TGFBR1: variants seen among roughly 807,000 people sequenced by gnomAD.
TGFBR1 encodes transforming growth factor beta receptor 1, also known as TGF-beta receptor type-1.
A neutral mutation model predicts 55.1 loss-of-function variants in TGFBR1; 20 were observed. The ratio of observed to expected loss-of-function variants is 0.36; its 90% CI spans 0.26 to 0.53. TGFBR1 has a LOEUF of 0.53. Ranked by LOEUF, TGFBR1 falls within the 20% of genes least tolerant of loss-of-function variation. The pLI, the probability that TGFBR1 is intolerant of heterozygous loss-of-function variation, is 0.91. For missense variants in TGFBR1, 385 were observed against 617.6 expected (o/e 0.62, Z 3.99); for synonymous variants, 220 against 214.8 (o/e 1.02, Z -0.21).
intron 2 of TGFBR1, among the ~76,000 whole-genome samples, chr9:99,129,339 A>G (rs1490088430): frequency 6.6e-6 from 1 of 152,192 alleles, no homozygotes; most frequent in African/African-American, 2.4e-5. Flanking sequence ...TATACCTAAA[A>G]GGATAGATAA....
intron 3 of TGFBR1, among the ~76,000 whole-genome samples, chr9:99,137,472 C>G (rs10988721): frequency 0.022 from 3,296 of 152,214 alleles, 108 homozygotes; most frequent in African/African-American, 0.075. Context: ...CTTACTTTCT[C>G]TTTTCACTGC....
At chr9:99,139,971 A>T (rs1471546477) in intron 4 of TGFBR1, among the ~76,000 whole-genome samples, 1 of 152,204 alleles carries the variant, frequency 6.6e-6, no homozygotes, top group Non-Finnish European at 1.5e-5. Context: ...TGGTAGTTAG[A>T]TTTAGAAGCT....
chr9:99,142,080 A>C (rs919245187), intron 4 of TGFBR1, among the ~76,000 whole-genome samples: 12 of 152,066 alleles, frequency 7.9e-5, no homozygotes, highest in African/African-American at 2.9e-4. Context: ...GTTTTGTCCC[A>C]TACTCTTCCA....
At chr9:99,116,678 C>T (rs1472858413) in intron 1 of TGFBR1, among the ~76,000 whole-genome samples, 1 of 152,174 alleles carries the variant, frequency 6.6e-6, no homozygotes, top group African/African-American at 2.4e-5. Context: ...AACCAACCCC[C>T]CACTTTCTTC....
chr9:99,104,862 G>T (rs911864884), upstream of TGFBR1, among the ~76,000 whole-genome samples: 2 of 152,110 alleles, frequency 1.3e-5, no homozygotes, highest in Admixed American at 6.5e-5. Flanking sequence ...CCCCCACGCG[G>T]CCTCTCGGAG....
chr9:99,116,175 TAA>T lies in TGFBR1; in HGVS notation c.97+10887_97+10888del, dbSNP rs33959088. On this transcript the variant is annotated intron_variant, in intron 1 of 8. Transcript: ENST00000374994. ...CATAATTGTTTCTTCACTTTATTCTTAAAAAAAAAAAAAAAGGCCACATAAGT... is the reference window on the plus strand; with the variant it reads ...CATAATTGTTTCTTCACTTTATTCTTAAAAAAAAAAAAAGGCCACATAAGT... 1.4e-3 allele frequency among the ~76,000 whole-genome samples: 197 copies of T among 141,376 alleles called. 1 individual carries two copies. The highest frequency in any genetic ancestry group is 3.6e-3 in the Middle Eastern group (1 of 274). The allele number at this position is 141,376 out of a possible 152,430, so 92.7% of individuals were successfully genotyped here.
At chr9:99,145,361 G>A (rs982555338) in intron 6 of TGFBR1, among the ~76,000 whole-genome samples, 7 of 152,182 alleles carry the variant, frequency 4.6e-5, no homozygotes, top group Admixed American at 3.3e-4. Context: ...CACCTTTCCC[G>A]TAGGAAGTTT....
Position 99,142,608 on chromosome 9 carries a change from A to G in TGFBR1, c.878A>G (p.Asn293Ser), listed in dbSNP as rs199759998. ...CATGGATCCCTTTTTGATTACTTAA[A>G]CAGATACACAGTTACTGTGGAAGGA... ...HEHGSLFDYL[N>S]RYTVTVEGMI... is the part of the protein sequence containing the mutation. Residue 293 changes from asparagine (N) to serine (S), a missense_variant, in exon 5 of 9, where the codon AAC becomes AGC. Physicochemically the swap from Asn to Ser is conservative, Grantham distance 46. Transcript: ENST00000374994. 2 of 1,614,128 alleles carry G rather than the reference A, an allele frequency of 1.2e-6. No individual in the cohort carries two copies. Among genetic ancestry groups the G allele is most frequent in the Non-Finnish European group, 1.7e-6 (2 of 1,179,960 alleles).
At chr9:99,133,756 G>T (rs1320574085) in intron 3 of TGFBR1, among the ~76,000 whole-genome samples, 1 of 152,080 alleles carries the variant, frequency 6.6e-6, no homozygotes, top group Non-Finnish European at 1.5e-5. Flanking sequence ...CTTCAAATAA[G>T]GGCTAAATTC....
At chr9:99,141,298 A>G (rs1212586881) in intron 4 of TGFBR1, among the ~76,000 whole-genome samples, 1 of 152,224 alleles carries the variant, frequency 6.6e-6, no homozygotes, top group Non-Finnish European at 1.5e-5. Context: ...AATTAATACT[A>G]AGTCCTTTTA....
chr9:99,146,838 G>A (rs937104537), intron 7 of TGFBR1, among the ~76,000 whole-genome samples: 1 of 152,128 alleles, frequency 6.6e-6, no homozygotes, highest in African/African-American at 2.4e-5. Context: ...ATTTGAATCT[G>A]GAGACTCATC....
chr9:99,145,968 ACT>A (rs1004500455), intron 6 of TGFBR1: 7 of 188,462 alleles, frequency 3.7e-5, no homozygotes, highest in Admixed American at 2.2e-4. Flanking sequence ...GCCGTAGATG[ACT>A]CTCAATTCTC....
chr9:99,122,759 A>G (rs911537033), intron 1 of TGFBR1, among the ~76,000 whole-genome samples: 5 of 152,110 alleles, frequency 3.3e-5, no homozygotes, highest in African/African-American at 4.8e-5. Context: ...TTTTCCTTTT[A>G]GTGCTGAATC....
intron 4 of TGFBR1, among the ~76,000 whole-genome samples, chr9:99,139,828 C>G (rs1370009798): frequency 6.6e-6 from 1 of 152,156 alleles, no homozygotes; most frequent in African/African-American, 2.4e-5. Flanking sequence ...CCCCCTTCAT[C>G]TTTTTTCTCC....
intron 1 of TGFBR1, among the ~76,000 whole-genome samples, chr9:99,117,123 T>C (rs1180398118): frequency 6.6e-6 from 1 of 152,176 alleles, no homozygotes; most frequent in African/African-American, 2.4e-5. Context: ...GTCTCACTGT[T>C]GTCACCCAGG....
At position 99,105,205 on chromosome 9, in the gene TGFBR1, C is replaced by T. The variant is rs1826369411; in HGVS notation, c.-1C>T. On this transcript the variant is annotated 5_prime_UTR_variant, in exon 1 of 9. Coordinates refer to ENST00000374994, the MANE Select transcript of TGFBR1 (RefSeq NM_004612.4). Reference sequence around the variant, plus strand: ...GGGCCACAGGCGGTGGCGGCGGGACCATGGAGGCGGCGGTCGCTGCTCCGC... The same window carrying T: ...GGGCCACAGGCGGTGGCGGCGGGACTATGGAGGCGGCGGTCGCTGCTCCGC... 8 of 1,083,892 alleles carry T rather than the reference C, an allele frequency of 7.4e-6. No homozygotes were observed. Among genetic ancestry groups the T allele is most frequent in the African/African-American group, 1.7e-5 (1 of 59,214 alleles). The allele number at this position is 1,083,892 out of a possible 1,614,324, so 67.1% of individuals were successfully genotyped here.
intron 6 of TGFBR1, 91 bp downstream of exon 6, chr9:99,144,979 T>C (rs1484540027): frequency 6.9e-7 from 1 of 1,439,344 alleles, no homozygotes; most frequent in Non-Finnish European, 9.6e-7. Context: ...GAAACTCAGC[T>C]TAAACTTGCA....
At position 99,125,595 on chromosome 9, in the gene TGFBR1, A is replaced by T. The variant is rs183612306; in HGVS notation, c.98-3260A>T. Among the ~76,000 whole-genome samples, 23 of 152,014 alleles carry T rather than the reference A, an allele frequency of 1.5e-4. No individual in the cohort carries two copies. The East Asian group carries it at 4.4e-3, about 29-fold the overall frequency. ...CATATGGTCGATTCAAATTCCCTTT[A>T]TTTTTTACTCTTTCTTTTACAATGA... On this transcript the variant is annotated intron_variant, in intron 1 of 8. Transcript: ENST00000374994.
intron 4 of TGFBR1, among the ~76,000 whole-genome samples, chr9:99,139,216 C>T (rs1292044047): frequency 6.6e-6 from 1 of 151,126 alleles, no homozygotes; most frequent in Non-Finnish European, 1.5e-5. Flanking sequence ...AAAAAAAATG[C>T]TGTCATTATC....
Sources: gnomAD v4.1 joint callset for allele counts (sites outside exome capture counted in the v4.1 genomes callset) on GRCh38, gnomAD v4.1.1 for gene constraint, MANE v1.5 for transcripts, NCBI Gene and HGNC (gene_info 2026-07-23, HGNC 2026-07-21) for gene names.